ARPC5L: variants seen among roughly 807,000 people sequenced by gnomAD.
The protein encoded by ARPC5L is actin related protein 2/3 complex subunit 5 like, also known as actin-related protein 2/3 complex subunit 5-like protein.
ARPC5L carries 4 observed loss-of-function variants against 16.9 expected under a neutral mutation model. The ratio of observed to expected loss-of-function variants is 0.24; its 90% CI spans 0.12 to 0.54. ARPC5L has a LOEUF of 0.54. ARPC5L is among the 20% of genes least tolerant of loss of function. The pLI, the probability that ARPC5L is intolerant of heterozygous loss-of-function variation, is 0.95. For missense variants in ARPC5L, 151 were observed against 201.9 expected, an observed-to-expected ratio of 0.75 and a Z score of 1.53; for synonymous variants, 78 against 82.6, an observed-to-expected ratio of 0.94 and a Z score of 0.30.
At chr9:124,871,195 G>A (rs974817936) in intron 3 of ARPC5L, among the ~76,000 whole-genome samples, 2 of 152,166 alleles carry the variant, frequency 1.3e-5, no homozygotes, top group African/African-American at 4.8e-5. Context: ...CCTGTCCTGG[G>A]GCTGTATAGG....
chr9:124,867,383 T>G (rs938304457), intron 2 of ARPC5L, among the ~76,000 whole-genome samples: 1 of 152,080 alleles, frequency 6.6e-6, no homozygotes. Context: ...TCAGGTGATC[T>G]GCCCCCTGGG....
At position 124,877,354 on chromosome 9, in the gene ARPC5L, ACT is replaced by A. The variant is rs767507117; in HGVS notation, c.*417_*418del. On this transcript the variant is annotated 3_prime_UTR_variant, in exon 6 of 6. Coordinates refer to ENST00000353214, the MANE Select transcript of ARPC5L (RefSeq NM_030978.3). Reference sequence around the variant, plus strand: ...TCCTGTCTTCCCAGAGAAGGTGGACACTCTTGGGCTCATTGTAAAGTGCCTGC... The same window carrying A: ...TCCTGTCTTCCCAGAGAAGGTGGACACTTGGGCTCATTGTAAAGTGCCTGC... The A allele has an allele frequency of 3.4e-5, 6 of 177,288 alleles. No individual in the cohort carries two copies. Among genetic ancestry groups the A allele is most frequent in the Non-Finnish European group, 5.9e-5 (5 of 85,074 alleles). 11.0% of individuals were successfully genotyped at this position (177,288 alleles called of 1,614,324 possible). A position where few individuals can be genotyped will look rare whatever the true frequency, so the allele number is the denominator to read the frequency against.
chr9:124,872,124 C>T (rs1829368981), intron 3 of ARPC5L, among the ~76,000 whole-genome samples: 1 of 152,168 alleles, frequency 6.6e-6, no homozygotes. Context: ...GCTGAGTTAA[C>T]GCCACAGCAG....
At chr9:124,874,027 G>A (rs544316830) in intron 4 of ARPC5L, among the ~76,000 whole-genome samples, 3 of 152,222 alleles carry the variant, frequency 2.0e-5, no homozygotes, top group Non-Finnish European at 4.4e-5. Context: ...CCTGGCCCTG[G>A]CTGATGAGGA....
Position 124,873,747 on chromosome 9 carries a change from A to G in ARPC5L, c.205A>G (p.Lys69Glu). 1 of 1,614,190 alleles carries G rather than the reference A, an allele frequency of 6.2e-7. No homozygotes were observed. Among genetic ancestry groups the G allele is most frequent in the African/African-American group, 1.3e-5 (1 of 75,054 alleles). Residue 69 changes from lysine to glutamate, a missense_variant, in exon 4 of 6, where the codon AAG becomes GAG. Coordinates refer to ENST00000353214, the MANE Select transcript of ARPC5L (RefSeq NM_030978.3). ...AALRNSPVNTKNQAVKERAQG... is the reference protein window; with the variant it reads ...AALRNSPVNTENQAVKERAQG... ...CTTGCGGAACTCTCCCGTCAACACC[A>G]AGAATCAAGCTGTGAAGGTAAAGGG... is the stretch of plus-strand genomic sequence containing the variant.
chr9:124,866,422 A>G (rs1829271502), intron 2 of ARPC5L, among the ~76,000 whole-genome samples: 2 of 151,268 alleles, frequency 1.3e-5, no homozygotes, highest in African/African-American at 4.9e-5. Context: ...TGAATAAAAT[A>G]AAACAAAATA....
At chr9:124,868,212 G>T (rs1829298498) in intron 2 of ARPC5L, among the ~76,000 whole-genome samples, 1 of 151,910 alleles carries the variant, frequency 6.6e-6, no homozygotes, top group African/African-American at 2.4e-5. Context: ...AGAGGTATTC[G>T]AAGCAGCAAA....
Position 124,875,016 on chromosome 9 carries a change from C to A in ARPC5L, c.264C>A (p.Phe88Leu), listed in dbSNP as rs1829411965. ...TGGTGCTGAAAGTGCTCACAAACTT[C>A]AAGAGCAGTGAGATTGAGCAGGCTG... is the stretch of plus-strand genomic sequence containing the variant. ...QGVVLKVLTN[F>L]KSSEIEQAVQ... Residue 88 changes from phenylalanine (F) to leucine (L), a missense_variant, in exon 5 of 6, where the codon TTC (phenylalanine) becomes TTA (leucine). Coordinates refer to ENST00000353214, the MANE Select transcript of ARPC5L (RefSeq NM_030978.3). 5.0e-6 allele frequency: 8 copies of A among 1,613,892 alleles called. No homozygotes were observed. Among genetic ancestry groups the A allele is most frequent in the Non-Finnish European group, 6.8e-6 (8 of 1,179,906 alleles).
intron 3 of ARPC5L, among the ~76,000 whole-genome samples, chr9:124,869,949 G>A (rs1829332324): frequency 6.6e-6 from 1 of 152,206 alleles, no homozygotes; most frequent in Non-Finnish European, 1.5e-5. Context: ...CGGCTGTGGG[G>A]AAGACAGAAC....
intron 3 of ARPC5L, among the ~76,000 whole-genome samples, chr9:124,869,758 G>C (rs1426769888): frequency 1.3e-5 from 2 of 152,188 alleles, no homozygotes; most frequent in Admixed American, 6.5e-5. Context: ...GTCCCCTCAC[G>C]CTGTCCCTTC....
At chr9:124,866,071 C>T (rs992210466) in intron 2 of ARPC5L, among the ~76,000 whole-genome samples, 3 of 151,626 alleles carry the variant, frequency 2.0e-5, no homozygotes, top group African/African-American at 7.3e-5. Context: ...GGCCACTGCA[C>T]TCTAGCCTAG....
intron 5 of ARPC5L, 80 bp downstream of exon 5, chr9:124,875,231 C>T: frequency 6.6e-7 from 1 of 1,507,596 alleles, no homozygotes; most frequent in South Asian, 1.2e-5. Context: ...TTTTCCAGAA[C>T]AAACGTAGGA....
intron 4 of ARPC5L, 23 bp from the exon 5 acceptor site, chr9:124,874,952 C>T (rs1276323295): frequency 6.2e-7 from 1 of 1,612,920 alleles, no homozygotes; most frequent in African/African-American, 1.3e-5. Context: ...CTCTGGGACT[C>T]ACTTGCTCTT....
At chr9:124,869,480 TTC>T in intron 3 of ARPC5L, 41 bp downstream of exon 3, 7 of 1,416,190 alleles carry the variant, frequency 4.9e-6, no homozygotes, top group Non-Finnish European at 6.4e-6. Context: ...GCGCGCGGCC[TTC>T]TCACCTTCCC....
At chr9:124,875,249 A>G in intron 5 of ARPC5L, 98 bp downstream of exon 5, 1 of 1,382,362 alleles carries the variant, frequency 7.2e-7, no homozygotes, top group Non-Finnish European at 9.9e-7. Flanking sequence ...GGACGGTCTG[A>G]TAGGCGTGTG....
intron 1 of ARPC5L, among the ~76,000 whole-genome samples, chr9:124,863,540 T>C (rs1829232949): frequency 6.6e-6 from 1 of 152,226 alleles, no homozygotes; most frequent in Non-Finnish European, 1.5e-5. Context: ...TCTCTTCCCC[T>C]TTCTTGAGTC....
Position 124,869,458 on chromosome 9 carries a change from G to A in ARPC5L, c.149+19G>A. 7.0e-7 allele frequency: 1 copy of A among 1,437,040 alleles called. No individual in the cohort carries two copies. The highest frequency in any genetic ancestry group is 1.4e-5 in the South Asian group (1 of 69,212). The allele number at this position is 1,437,040 out of a possible 1,614,324, so 89.0% of individuals were successfully genotyped here. On this transcript the variant is annotated intron_variant, in intron 3 of 5. Coordinates refer to ENST00000353214, the MANE Select transcript of ARPC5L (RefSeq NM_030978.3). ...TGCGGCAATATCCTTCCCTGACGCG[G>A]CGTCCGGGCCTGCGCGCGGCCTTCT...
In ARPC5L at chr9:124,877,611, G is replaced by C. The variant is rs1829465530; in HGVS notation, c.*671G>C. ...GCCAGCCTCGGCCTCAGAGCTGCCG[G>C]CTGCTGCAGAGAGGTGTTTGCTGAA... On this transcript the variant is annotated 3_prime_UTR_variant, in exon 6 of 6. Transcript: ENST00000353214. 1.3e-5 allele frequency: 2 copies of C among 152,322 alleles called. No homozygotes were observed. Among genetic ancestry groups the C allele is most frequent in the African/African-American group, 4.8e-5 (2 of 41,466 alleles). The allele number at this position is 152,322 out of a possible 1,614,324, so 9.4% of individuals were successfully genotyped here.
chr9:124,866,083 C>T (rs763008263), intron 2 of ARPC5L, among the ~76,000 whole-genome samples: 38 of 151,446 alleles, frequency 2.5e-4, no homozygotes, highest in African/African-American at 6.8e-4. Flanking sequence ...CTAGCCTAGG[C>T]GACACAGTGA....
Sources: gnomAD v4.1 joint callset for allele counts (sites outside exome capture counted in the v4.1 genomes callset) on GRCh38, gnomAD v4.1.1 for gene constraint, MANE v1.5 for transcripts, NCBI Gene and HGNC (gene_info 2026-07-23, HGNC 2026-07-21) for gene names.